INPP5F: variants seen among roughly 807,000 people sequenced by gnomAD.
INPP5F encodes phosphatidylinositide 4-phosphatase SAC2.
INPP5F carries 97 observed loss-of-function variants against 137.2 expected under a neutral mutation model. The observed-to-expected ratio is 0.71, with a 90% CI of 0.60 to 0.84. The LOEUF (loss-of-function observed/expected upper bound fraction) is 0.84. Ranked by LOEUF, INPP5F falls within the 40% of genes least tolerant of loss-of-function variation. The pLI, the probability that INPP5F is intolerant of heterozygous loss-of-function variation, is 0.00. For synonymous variants in INPP5F, 504 were observed against 476.9 expected (o/e 1.06, Z -0.74); for missense variants, 1,271 against 1,371.9 (o/e 0.93, Z 1.16).
intron 1 of INPP5F, 89 bp downstream of exon 1, chr10:119,726,448 G>A: frequency 2.9e-6 from 2 of 692,428 alleles, no homozygotes; most frequent in South Asian, 6.7e-5. Context: ...GGCGGGAGGA[G>A]CCGCCTGCGG....
At chr10:119,812,393 T>TA (rs1554894714) in intron 15 of INPP5F, among the ~76,000 whole-genome samples, 1 of 151,096 alleles carries the variant, frequency 6.6e-6, no homozygotes, top group Admixed American at 6.6e-5. Flanking sequence ...TTTTTTTTTT[T>TA]AACAAAAACC....
rs558010493 is a variant in INPP5F, at chr10:119,775,480, G to A, written c.179-6155G>A. On this transcript the variant is annotated intron_variant, in intron 2 of 19. Coordinates refer to ENST00000650623, the MANE Select transcript of INPP5F (RefSeq NM_014937.4). ...GGGTTTCCCCATATTGCCCAGGCTG[G>A]TCTTGAACTCCTGGGCTGAAGTGAT... Among the ~76,000 whole-genome samples, 9 of 152,190 alleles carry A rather than the reference G, an allele frequency of 5.9e-5. No individual in the cohort carries two copies. In the East Asian group the frequency reaches 1.7e-3, roughly 29 times the overall value.
chr10:119,823,663 T>C (rs1851648615), intron 18 of INPP5F, 152 bp from the exon 19 acceptor site: 1 of 553,630 alleles, frequency 1.8e-6, no homozygotes, highest in Non-Finnish European at 3.2e-6. Context: ...GGGAGACTAG[T>C]GAACAGGTGG....
intron 2 of INPP5F, among the ~76,000 whole-genome samples, chr10:119,761,428 A>G (rs975107436): frequency 1.3e-5 from 2 of 152,216 alleles, no homozygotes; most frequent in African/African-American, 4.8e-5. Flanking sequence ...ACTTTTAGCT[A>G]TTAGGTACCT....
intron 8 of INPP5F, among the ~76,000 whole-genome samples, chr10:119,798,117 G>A (rs1470146024): frequency 6.6e-6 from 1 of 151,334 alleles, no homozygotes; most frequent in Admixed American, 6.6e-5. Context: ...GAATAGCTAA[G>A]TCATTTAAAT....
At chr10:119,786,591 C>T (rs1849924787) in intron 3 of INPP5F, among the ~76,000 whole-genome samples, 1 of 152,148 alleles carries the variant, frequency 6.6e-6, no homozygotes, top group Admixed American at 6.5e-5. Flanking sequence ...TGCTCTGTCA[C>T]ACAGGCTGGA....
intron 19 of INPP5F, among the ~76,000 whole-genome samples, chr10:119,824,497 C>T (rs1281733076): frequency 6.6e-6 from 1 of 152,178 alleles, no homozygotes; most frequent in Non-Finnish European, 1.5e-5. Context: ...GCCACGTGCA[C>T]TTCTTAGTGC....
chr10:119,777,938 G>GA (rs2134172658), intron 2 of INPP5F, among the ~76,000 whole-genome samples: 1 of 152,258 alleles, frequency 6.6e-6, no homozygotes, highest in South Asian at 2.1e-4. Flanking sequence ...TTTCTAAAAT[G>GA]AAAGTTGATC....
At chr10:119,820,782 T>G in intron 15 of INPP5F, 64 bp from the exon 16 acceptor site, 1 of 1,348,858 alleles carries the variant, frequency 7.4e-7, no homozygotes, top group Non-Finnish European at 1.1e-6. Flanking sequence ...GCTGTAGAAA[T>G]ATGCTTGGCA....
At chr10:119,780,995 A>C (rs1181247792) in intron 2 of INPP5F, among the ~76,000 whole-genome samples, 1 of 152,210 alleles carries the variant, frequency 6.6e-6, no homozygotes, top group African/African-American at 2.4e-5. Context: ...TATTCAGGTT[A>C]TCTACTAAGT....
intron 6 of INPP5F, among the ~76,000 whole-genome samples, chr10:119,796,458 C>T (rs938605873): frequency 2.0e-5 from 3 of 152,308 alleles, no homozygotes; most frequent in African/African-American, 4.8e-5. Context: ...TGACTCCCCT[C>T]AGTGAGTTAA....
intron 1 of INPP5F, among the ~76,000 whole-genome samples, chr10:119,737,444 T>C (rs116475448): frequency 0.01 from 1,527 of 152,268 alleles, 32 homozygotes; most frequent in African/African-American, 0.035. Flanking sequence ...ATTTAAAGAA[T>C]ACCTATTCCA....
chr10:119,751,234 A>T, intron 2 of INPP5F, 78 bp downstream of exon 2: 1 of 878,394 alleles, frequency 1.1e-6, no homozygotes, highest in Non-Finnish European at 1.9e-6. Context: ...AGGATACATG[A>T]GATTCTCTTA....
At chr10:119,729,813 G>A (rs1013210098) in intron 1 of INPP5F, among the ~76,000 whole-genome samples, 3 of 148,008 alleles carry the variant, frequency 2.0e-5, no homozygotes, top group African/African-American at 7.6e-5. Flanking sequence ...TTGGCCTCCT[G>A]GGCTCAAGCG....
chr10:119,816,605 T>G (rs1363193464), intron 15 of INPP5F: 2 of 152,278 alleles, frequency 1.3e-5, no homozygotes, highest in African/African-American at 2.4e-5. Flanking sequence ...AACCTGCTCT[T>G]GGGCCGAGTT....
intron 15 of INPP5F, chr10:119,816,302 CCTT>C (rs1169723868): frequency 3.3e-5 from 5 of 152,036 alleles, no homozygotes; most frequent in African/African-American, 4.8e-5. Flanking sequence ...AGAACTGTTA[CCTT>C]CTTCCTACAT....
chr10:119,756,767 C>T (rs1318159850), intron 2 of INPP5F, among the ~76,000 whole-genome samples: 1 of 148,516 alleles, frequency 6.7e-6, no homozygotes, highest in Non-Finnish European at 1.5e-5. Context: ...GTAATCCACA[C>T]ATTTCTTTTA....
At chr10:119,746,916 G>T (rs1364807813) in intron 1 of INPP5F, among the ~76,000 whole-genome samples, 1 of 152,012 alleles carries the variant, frequency 6.6e-6, no homozygotes, top group African/African-American at 2.4e-5. Flanking sequence ...AGCCTCCCAA[G>T]TAGCTGGGAT....
In INPP5F at chr10:119,797,527, A is replaced by G. The variant is rs1850428887; in HGVS notation, c.935A>G (p.Gln312Arg). 2 of 1,612,626 alleles carry G rather than the reference A, an allele frequency of 1.2e-6. No homozygotes were observed. The highest frequency in any genetic ancestry group is 2.7e-5 in the African/African-American group (2 of 74,932). ...GNVANYVETE[Q>R]LIHVHNHTLS... ...GTTGCCAATTATGTGGAGACTGAGC[A>G]GTTGATTCATGTTCATAATCATACC... is the stretch of plus-strand genomic sequence containing the variant. The change falls in exon 8 of 20, where the codon CAG (glutamine) becomes CGG (arginine). Residue 312 changes from glutamine (Q) to arginine (R), a missense_variant. Transcript: ENST00000650623.
Sources: gnomAD v4.1 joint callset for allele counts (sites outside exome capture counted in the v4.1 genomes callset) on GRCh38, gnomAD v4.1.1 for gene constraint, MANE v1.5 for transcripts, NCBI Gene and HGNC (gene_info 2026-07-23, HGNC 2026-07-21) for gene names.